The following PGM1 variants were observed in gnomAD, a reference collection of about 807,000 sequenced individuals.
PGM1 encodes phosphoglucomutase 1.
PGM1 carries 52 observed loss-of-function variants against 55.6 expected under a neutral mutation model. That is an observed-to-expected ratio of 0.94 (90% CI 0.75 to 1.18). The LOEUF is 1.18. PGM1 is among the 50% of genes most tolerant of loss of function. The probability of loss-of-function intolerance (pLI) is 0.00; values close to 1 mark genes in which losing one functional copy is unlikely to be tolerated. For missense variants in PGM1, 724 were observed against 729.3 expected (o/e 0.99, Z 0.08); for synonymous variants, 287 against 271.7 (o/e 1.06, Z -0.55).
rs1457805773 is a variant in PGM1 at position 63,647,363 on chromosome 1, AT to A, written c.1145-1148del. On this transcript the variant is annotated intron_variant, in intron 7 of 10. Transcript: ENST00000371084. ...ACTTTTAAACAACCAGATCTCTTTAATTTTTTAAAGTTTGTCAATGGGCTTT... is the reference window on the plus strand; with the variant it reads ...ACTTTTAAACAACCAGATCTCTTTAATTTTTAAAGTTTGTCAATGGGCTTT... Among the ~76,000 whole-genome samples the A allele has an allele frequency of 4.4e-5, 6 of 137,196 alleles. No homozygotes were observed. In the Admixed American group the frequency reaches 4.7e-4, roughly 11 times the overall value. The allele number at this position is 137,196 out of a possible 152,430, so 90.0% of individuals were successfully genotyped here. A position where few individuals can be genotyped will look rare whatever the true frequency, so the allele number is the denominator to read the frequency against.
rs1173457484 is a variant in PGM1, at chr1:63,595,846, T to TA, written c.246+2122dup. ...TGGGAAGGAAAGAATTAGTTAAGACTAAAAAAAAAAGTTCTTAAAACTTCA... is the reference window on the plus strand; with the variant it reads ...TGGGAAGGAAAGAATTAGTTAAGACTAAAAAAAAAAAGTTCTTAAAACTTCA... On this transcript the variant is annotated intron_variant, in intron 1 of 10. Coordinates refer to ENST00000371084, the MANE Select transcript of PGM1 (RefSeq NM_002633.3). Among the ~76,000 whole-genome samples the TA allele has an allele frequency of 4.7e-5, 7 of 149,506 alleles. No individual in the cohort carries two copies. In the South Asian group the frequency reaches 1.3e-3, roughly 27 times the overall value.
intron 10 of PGM1, among the ~76,000 whole-genome samples, chr1:63,656,410 A>C (rs1649967331): frequency 6.6e-6 from 1 of 152,230 alleles, no homozygotes; most frequent in Non-Finnish European, 1.5e-5. Context: ...TTTAGTACTA[A>C]TATACGATCC....
chr1:63,652,116 C>T (rs1232902656), intron 9 of PGM1, among the ~76,000 whole-genome samples: 1 of 152,118 alleles, frequency 6.6e-6, no homozygotes, highest in African/African-American at 2.4e-5. Context: ...GATTTTTGCA[C>T]TCTCTGGAAT....
intron 7 of PGM1, among the ~76,000 whole-genome samples, chr1:63,647,555 T>C (rs2100997724): frequency 6.6e-6 from 1 of 151,132 alleles, no homozygotes; most frequent in East Asian, 1.9e-4. Context: ...TATATACTAG[T>C]ATTTAAAAGC....
intron 7 of PGM1, 47 bp downstream of exon 7, chr1:63,638,847 T>C: frequency 7.5e-7 from 1 of 1,325,056 alleles, no homozygotes; most frequent in South Asian, 1.2e-5. Context: ...TAACCACTAT[T>C]TCCAGTAAAA....
intron 1 of PGM1, among the ~76,000 whole-genome samples, chr1:63,620,537 G>T (rs1410756684): frequency 2.0e-5 from 3 of 152,190 alleles, no homozygotes; most frequent in Non-Finnish European, 4.4e-5. Flanking sequence ...ACCCATTCAG[G>T]CCAGCCCTCA....
chr1:63,631,566 TAGC>T, intron 3 of PGM1, 88 bp from the exon 4 acceptor site: 1 of 1,203,840 alleles, frequency 8.3e-7, no homozygotes, highest in South Asian at 1.2e-5. Flanking sequence ...AAAATAGCAA[TAGC>T]AGGTTTACAG....
chr1:63,645,038 C>T (rs918084378), intron 7 of PGM1, among the ~76,000 whole-genome samples: 1 of 152,178 alleles, frequency 6.6e-6, no homozygotes, highest in African/African-American at 2.4e-5. Flanking sequence ...TCATCAGAAC[C>T]CTGAAGAAAA....
chr1:63,605,219 C>T (rs1648386338), intron 1 of PGM1, among the ~76,000 whole-genome samples: 1 of 152,128 alleles, frequency 6.6e-6, no homozygotes, highest in African/African-American at 2.4e-5. Flanking sequence ...TAACCTGCTT[C>T]CTGCTGATGA....
At chr1:63,633,924 ATATATATATTTTTTTTTTTTT>A (rs1649280522) in intron 4 of PGM1, among the ~76,000 whole-genome samples, 1 of 67,356 alleles carries the variant, frequency 1.5e-5, no homozygotes. Context: ...GTGTGTATAT[ATATATATATTTTTTTTTTTTT>A]TTTTTTTTTT....
At chr1:63,650,366 C>G (rs935759019) in intron 8 of PGM1, among the ~76,000 whole-genome samples, 2 of 152,212 alleles carry the variant, frequency 1.3e-5, no homozygotes, top group Admixed American at 1.3e-4. Context: ...TATTCCACCC[C>G]TCTGTGCCTA....
intron 7 of PGM1, among the ~76,000 whole-genome samples, chr1:63,645,109 A>T (rs372550803): frequency 1.3e-5 from 2 of 152,240 alleles, no homozygotes; most frequent in East Asian, 3.8e-4. Context: ...GATACATCCA[A>T]GGTGATTAGT....
In PGM1 at chr1:63,654,373, C is replaced by A. The variant is rs760685329; in HGVS notation, c.1506C>A (p.Phe502Leu). 7 of 1,614,032 alleles carry A rather than the reference C, an allele frequency of 4.3e-6. No homozygotes were observed. The highest frequency in any genetic ancestry group is 5.9e-6 in the Non-Finnish European group (7 of 1,179,884). Residue 502 changes from phenylalanine to leucine, a missense_variant, in exon 10 of 11, where the codon TTC becomes TTA. Phe to Leu is a conservative substitution (Grantham distance 22, BLOSUM62 0). This residue lies in a region of PGM1 where 316 missense variants were observed against 313.1 expected (regional missense o/e 1.01). Coordinates refer to ENST00000371084, the MANE Select transcript of PGM1 (RefSeq NM_002633.3). ...TCACAGATGGTTCTCGAATCGTCTT[C>A]CGACTGAGCGGCACTGGGAGTGCCG... ...LIFTDGSRIV[F>L]RLSGTGSAGA... is the part of the protein sequence containing the mutation.
chr1:63,627,486 G>A (rs1234888403), intron 1 of PGM1, among the ~76,000 whole-genome samples: 2 of 152,032 alleles, frequency 1.3e-5, no homozygotes, highest in East Asian at 1.9e-4. Flanking sequence ...GTATCAGATC[G>A]AGAGCAATAT....
rs756347157 is a variant in PGM1 at position 63,651,723 on chromosome 1, G to C, written c.1335G>C (p.Leu445Phe). The change falls in exon 9 of 11, where the codon TTG becomes TTC. Residue 445 changes from leucine (L) to phenylalanine (F), a missense_variant. Physicochemically the swap from Leu to Phe is conservative, Grantham distance 22 (BLOSUM62 0). Around this residue, in one of 3 missense-constraint regions of PGM1, gnomAD observed 316 missense variants for 313.1 expected, o/e 1.01. Transcript: ENST00000371084. ...GCGCAAACAAAATGATGAAGGACTT[G>C]GAGGCCCTGATGTTTGATCGCTCCT... is the stretch of plus-strand genomic sequence containing the variant. ...AEGANKMMKD[L>F]EALMFDRSFV... 6.2e-7 allele frequency: 1 copy of C among 1,613,856 alleles called. No individual in the cohort carries two copies. The highest frequency in any genetic ancestry group is 8.5e-7 in the Non-Finnish European group (1 of 1,179,820).
chr1:63,636,418 G>T (rs377538159), intron 6 of PGM1, 30 bp downstream of exon 6: 9 of 1,610,224 alleles, frequency 5.6e-6, no homozygotes, highest in Non-Finnish European at 7.6e-6. Flanking sequence ...TGGCCTTCCT[G>T]TCTTAGGTCG....
chr1:63,597,446 G>A (rs568854089), intron 1 of PGM1, among the ~76,000 whole-genome samples: 3 of 152,332 alleles, frequency 2.0e-5, no homozygotes, highest in Admixed American at 1.3e-4. Flanking sequence ...CGAATGATAG[G>A]TGTGTTATCA....
At chr1:63,606,215 A>G (rs1343326067) in intron 1 of PGM1, among the ~76,000 whole-genome samples, 6 of 152,220 alleles carry the variant, frequency 3.9e-5, no homozygotes, top group African/African-American at 1.4e-4. Flanking sequence ...CCATGCTATC[A>G]GAGGCAACAA....
Position 63,633,940 on chromosome 1 carries a change from T to A in PGM1, c.683-889T>A, listed in dbSNP as rs1281903409. Among the ~76,000 whole-genome samples, 990 of 117,264 alleles carry A rather than the reference T, an allele frequency of 8.4e-3. 34 individuals carry two copies. Among genetic ancestry groups the A allele is most frequent in the Non-Finnish European group, 0.013 (742 of 57,408 alleles). The allele number at this position is 117,264 out of a possible 152,430, so 76.9% of individuals were successfully genotyped here. ...TGTGTATATATATATATATTTTTTT[T>A]TTTTTTTTTTTTTTTTTTTTTAGTA... On this transcript the variant is annotated intron_variant, in intron 4 of 10. Transcript: ENST00000371084.
Sources: allele counts gnomAD v4.1 joint callset (sites outside exome capture counted in the v4.1 genomes callset), GRCh38; gene constraint gnomAD v4.1.1; regional missense constraint gnomAD v4.1.1; transcripts MANE v1.5; gene names NCBI Gene and HGNC (gene_info 2026-07-23, HGNC 2026-07-21).